Variants in AGBL1 observed in about 807,000 individuals in gnomAD.
AGBL1 encodes the protein AGBL carboxypeptidase 1, also known as cytosolic carboxypeptidase 4.
AGBL1 carries 130 observed loss-of-function variants against 118.9 expected under a neutral mutation model. The observed-to-expected ratio is 1.09, with a 90% CI of 0.95 to 1.26. The LOEUF (loss-of-function observed/expected upper bound fraction) is 1.26, where lower values mean the gene tolerates loss of function less well. Among genes scored for constraint, AGBL1 ranks in the 50% most tolerant of loss-of-function variants. The pLI, the probability that AGBL1 is intolerant of heterozygous loss-of-function variation, is 0.00. For missense variants in AGBL1, 1,584 were observed against 1,298.1 expected (o/e 1.22, Z -3.38); for synonymous variants, 555 against 478.9 (o/e 1.16, Z -2.08).
intron 18 of AGBL1, among the ~76,000 whole-genome samples, chr15:86,488,356 G>T (rs898590666): frequency 6.6e-6 from 1 of 151,574 alleles, no homozygotes; most frequent in Non-Finnish European, 1.5e-5. Context: ...AAAATGTGAA[G>T]TCCAGTTCCA....
intron 1 of AGBL1, chr15:86,140,007 G>T: frequency 6.0e-6 from 1 of 167,146 alleles, no homozygotes; most frequent in Non-Finnish European, 1.3e-5. Context: ...TGGGTGGGCG[G>T]GACATGATGT....
chr15:86,751,053 A>C (rs1189502154), intron 22 of AGBL1, among the ~76,000 whole-genome samples: 1 of 152,154 alleles, frequency 6.6e-6, no homozygotes, highest in Non-Finnish European at 1.5e-5. Context: ...GTAGGAATGT[A>C]GGTTGATTCC....
intron 23 of AGBL1, chr15:86,934,941 C>T (rs957280601): frequency 1.3e-5 from 2 of 152,182 alleles, no homozygotes; most frequent in South Asian, 2.1e-4. Context: ...CATTCTCCTC[C>T]TGATATCACA....
At chr15:86,636,216 T>G (rs1275897882) in intron 21 of AGBL1, among the ~76,000 whole-genome samples, 1 of 152,046 alleles carries the variant, frequency 6.6e-6, no homozygotes, top group Non-Finnish European at 1.5e-5. Context: ...CTTCTACAAA[T>G]TTTATAACAG....
chr15:86,715,124 C>A (rs1256237416), intron 22 of AGBL1, among the ~76,000 whole-genome samples: 1 of 152,086 alleles, frequency 6.6e-6, no homozygotes, highest in Non-Finnish European at 1.5e-5. Context: ...ATTGACCTGG[C>A]CCAGCAACTT....
intron 21 of AGBL1, among the ~76,000 whole-genome samples, chr15:86,622,301 A>G (rs1232506104): frequency 6.7e-6 from 1 of 149,782 alleles, no homozygotes; most frequent in Non-Finnish European, 1.5e-5. Flanking sequence ...TTGCACTCCA[A>G]CCTGGGTGAC....
chr15:86,887,885 A>G (rs74027147), intron 22 of AGBL1, among the ~76,000 whole-genome samples: 4,213 of 152,234 alleles, frequency 0.028, 185 homozygotes, highest in African/African-American at 0.095. Flanking sequence ...GGGGGTCACT[A>G]CACAGAGGTA....
chr15:86,755,875 C>G (rs967018735), intron 22 of AGBL1, among the ~76,000 whole-genome samples: 18 of 152,102 alleles, frequency 1.2e-4, no homozygotes, highest in African/African-American at 2.7e-4. Context: ...GGAGGAGACT[C>G]TACCAGGGCA....
intron 21 of AGBL1, among the ~76,000 whole-genome samples, chr15:86,581,346 T>C (rs1237064916): frequency 1.3e-5 from 2 of 152,172 alleles, no homozygotes; most frequent in East Asian, 3.8e-4. Flanking sequence ...GATAGGTCCC[T>C]TCTTACTTTC....
intron 1 of AGBL1, among the ~76,000 whole-genome samples, chr15:86,095,412 G>A (rs1249753580): frequency 6.6e-6 from 1 of 152,018 alleles, no homozygotes; most frequent in East Asian, 1.9e-4. Flanking sequence ...AATCTGTCTA[G>A]GGTCCTCCAG....
chr15:86,322,416 C>T (rs1266483751), intron 17 of AGBL1, among the ~76,000 whole-genome samples: 3 of 151,768 alleles, frequency 2.0e-5, no homozygotes, highest in Non-Finnish European at 2.9e-5. Flanking sequence ...TTTTCTTTAC[C>T]TTAAATGCCT....
rs374899345 is a variant in AGBL1, at chr15:86,601,275, G to T, written c.2994+46738G>T. Among the ~76,000 whole-genome samples the T allele has an allele frequency of 2.9e-4, 44 of 152,242 alleles. 1 individual carries two copies. The South Asian group carries it at 6.8e-3, about 24-fold the overall frequency. Reference sequence around the variant, plus strand: ...AGACTTAGCTAGCACTCAGTTAAGGGTTATCAAATCCTCAGCCTGGAATTT... The same window carrying T: ...AGACTTAGCTAGCACTCAGTTAAGGTTTATCAAATCCTCAGCCTGGAATTT... On this transcript the variant is annotated intron_variant, in intron 21 of 22. Coordinates refer to ENST00000614907, the MANE Select transcript of AGBL1 (RefSeq NM_001386094.1).
chr15:86,310,880 A>T (rs1485571258), intron 17 of AGBL1, among the ~76,000 whole-genome samples: 1 of 152,234 alleles, frequency 6.6e-6, no homozygotes, highest in African/African-American at 2.4e-5. Flanking sequence ...GCTTATCATT[A>T]TAAATTCCTA....
rs144922626 is a variant in AGBL1 at position 86,613,082 on chromosome 15, C to T, written c.2994+58545C>T. Among the ~76,000 whole-genome samples the T allele has an allele frequency of 1.3e-5, 2 of 152,312 alleles. No individual in the cohort carries two copies. The highest frequency in any genetic ancestry group is 2.9e-5 in the Non-Finnish European group (2 of 68,034). Reference sequence around the variant, plus strand: ...ATAAAGCCAAGATGTAACACAATCACTTTGGGCACATGTTCTCAGGACCAC... The same window carrying T: ...ATAAAGCCAAGATGTAACACAATCATTTTGGGCACATGTTCTCAGGACCAC... On this transcript the variant is annotated intron_variant, in intron 21 of 22. Transcript: ENST00000614907. This position sits in a 1 kb window ranked among gnomAD's most constrained non-coding sequence, Gnocchi z 4.2.
At chr15:86,906,600 A>G (rs945351038) in intron 22 of AGBL1, among the ~76,000 whole-genome samples, 1 of 152,054 alleles carries the variant, frequency 6.6e-6, no homozygotes, top group Non-Finnish European at 1.5e-5. Flanking sequence ...AGTTCTGTCT[A>G]CCTGCATTCC....
At chr15:86,924,495 A>C (rs1246171366) in intron 23 of AGBL1, among the ~76,000 whole-genome samples, 7 of 152,224 alleles carry the variant, frequency 4.6e-5, no homozygotes, top group Non-Finnish European at 8.8e-5. Flanking sequence ...TCTGTTAATC[A>C]TGACCTGGAA....
intron 23 of AGBL1, among the ~76,000 whole-genome samples, chr15:86,943,285 CTT>C (rs2080777498): frequency 6.6e-6 from 1 of 152,188 alleles, no homozygotes; most frequent in South Asian, 2.1e-4. Flanking sequence ...CTACTGGAAA[CTT>C]TGTGTGGACT....
At chr15:86,319,788 CTCTT>C (rs2080077252) in intron 17 of AGBL1, among the ~76,000 whole-genome samples, 1 of 78,702 alleles carries the variant, frequency 1.3e-5, no homozygotes, top group Admixed American at 1.6e-4. Flanking sequence ...TTGAGATGGA[CTCTT>C]TGTCACCCAG....
At chr15:86,465,781 A>T (rs1027479406) in intron 18 of AGBL1, among the ~76,000 whole-genome samples, 3 of 152,182 alleles carry the variant, frequency 2.0e-5, no homozygotes, top group Non-Finnish European at 4.4e-5. Context: ...TAAGATGTTT[A>T]TCAATGACAA....
Sources: allele counts gnomAD v4.1 joint callset (sites outside exome capture counted in the v4.1 genomes callset), GRCh38; gene constraint gnomAD v4.1.1; non-coding constraint Gnocchi (gnomAD v3.1); transcripts MANE v1.5; gene names NCBI Gene and HGNC (gene_info 2026-07-23, HGNC 2026-07-21).